The following VPS13A variants were observed in gnomAD, a reference collection of about 807,000 sequenced individuals.
VPS13A encodes vacuolar protein sorting 13 homolog A.
A neutral mutation model predicts 390.9 loss-of-function variants in VPS13A; 264 were observed. The observed-to-expected ratio is 0.68, with a 90% CI of 0.61 to 0.75. VPS13A has a LOEUF of 0.75. VPS13A is among the 30% of genes least tolerant of loss of function. VPS13A has a pLI of 0.00. For synonymous variants in VPS13A, 1,231 were observed against 1,227.1 expected (o/e 1.00, Z -0.07); for missense variants, 3,409 against 3,733.9 (o/e 0.91, Z 2.27).
chr9:77,226,523 A>C lies in VPS13A; in HGVS notation c.1282A>C (p.Lys428Gln). Residue 428 changes from lysine (K) to glutamine (Q), a missense_variant, in exon 15 of 72, where the codon AAA (lysine) becomes CAA (glutamine). Lys to Gln is a moderately conservative substitution (Grantham distance 53). Around this residue, in one of 5 missense-constraint regions of VPS13A, gnomAD observed 2,717 missense variants for 2,917.4 expected, o/e 0.93. Transcript: ENST00000360280. ...KEGVKDPEDN[K>Q]GWFSWLWSWS... The stretch of plus-strand genomic sequence containing the variant: ...AGGAGTAAAAGATCCAGAGGATAAT[A>C]AAGGGTGGTTTAGCTGGCTATGGTC... The C allele has an allele frequency of 3.7e-6, 6 of 1,613,096 alleles. No homozygotes were observed. The highest frequency in any genetic ancestry group is 5.1e-6 in the Non-Finnish European group (6 of 1,179,350).
intron 3 of VPS13A, among the ~76,000 whole-genome samples, chr9:77,202,101 A>G (rs1004346239): frequency 1.3e-5 from 2 of 152,114 alleles, no homozygotes; most frequent in African/African-American, 4.8e-5. Flanking sequence ...TTGAAGCTAT[A>G]CTGTTGTCAC....
intron 23 of VPS13A, among the ~76,000 whole-genome samples, chr9:77,260,433 G>A (rs1255851516): frequency 7.1e-6 from 1 of 140,696 alleles, no homozygotes; most frequent in Non-Finnish European, 1.5e-5. Flanking sequence ...TCTGCTCACT[G>A]CAAGCTCCGC....
rs1829841016 is a variant in VPS13A at position 77,323,230 on chromosome 9, A to G, written c.5991+3A>G. The G allele has an allele frequency of 5.0e-6, 8 of 1,612,934 alleles. No homozygotes were observed. Among genetic ancestry groups the G allele is most frequent in the Non-Finnish European group, 6.8e-6 (8 of 1,179,170 alleles). On this transcript the variant is annotated splice_donor_region_variant and intron_variant, in intron 45 of 71. Coordinates refer to ENST00000360280, the MANE Select transcript of VPS13A (RefSeq NM_033305.3). ...TCACAATTCGCTCCCCAGTGCAGGTATGAAATGATCAATTTTGGGGGATGT... is the reference window on the plus strand; with the variant it reads ...TCACAATTCGCTCCCCAGTGCAGGTGTGAAATGATCAATTTTGGGGGATGT...
At chr9:77,307,173 G>A (rs1021741810) in intron 34 of VPS13A, among the ~76,000 whole-genome samples, 27 of 152,166 alleles carry the variant, frequency 1.8e-4, no homozygotes, top group Non-Finnish European at 2.9e-4. Flanking sequence ...CCAGAGTGCT[G>A]GGCTTACAGG....
chr9:77,358,223 T>C (rs1348025728), intron 56 of VPS13A, 134 bp from the exon 57 acceptor site: 10 of 765,858 alleles, frequency 1.3e-5, no homozygotes, highest in Admixed American at 8.9e-5. Context: ...CCCAAAGTGC[T>C]GGGATTACAG....
At chr9:77,267,771 G>A (rs540031983) in intron 23 of VPS13A, among the ~76,000 whole-genome samples, 4 of 152,252 alleles carry the variant, frequency 2.6e-5, no homozygotes, top group East Asian at 3.9e-4. Context: ...ACCCACAGCC[G>A]CCCCTTCCCC....
intron 1 of VPS13A, among the ~76,000 whole-genome samples, chr9:77,192,965 T>G (rs939088858): frequency 7.2e-5 from 11 of 152,168 alleles, no homozygotes; most frequent in Admixed American, 3.9e-4. Flanking sequence ...CTCCCTCTCT[T>G]TCAGGGACAA....
In VPS13A at chr9:77,351,340, C is replaced by A; in HGVS notation, c.7313C>A (p.Ser2438Tyr). ...NQSSLSEIED[S>Y]LPPGKAVFYT... ...AGTTCTCTCAGTGAAATAGAAGATT[C>A]CCTCCCTCCTGGTAAAGCCGTGTTT... Residue 2438 changes from serine to tyrosine, a missense_variant, in exon 53 of 72, where the codon TCC (serine) becomes TAC (tyrosine). Transcript: ENST00000360280. 6.2e-7 allele frequency: 1 copy of A among 1,613,594 alleles called. No individual in the cohort carries two copies. The highest frequency in any genetic ancestry group is 1.1e-5 in the South Asian group (1 of 91,068).
intron 71 of VPS13A, among the ~76,000 whole-genome samples, chr9:77,408,628 C>T (rs1325356436): frequency 2.0e-5 from 3 of 152,234 alleles, no homozygotes; most frequent in Admixed American, 2.0e-4. Flanking sequence ...TAGCAACCGG[C>T]ACACCAGGAG....
intron 22 of VPS13A, among the ~76,000 whole-genome samples, chr9:77,253,392 A>G (rs1014818423): frequency 6.6e-6 from 1 of 151,712 alleles, no homozygotes; most frequent in Admixed American, 6.6e-5. Flanking sequence ...TGCTACCTCC[A>G]CCTCCTGGGT....
chr9:77,315,599 A>C, intron 38 of VPS13A, 129 bp downstream of exon 38: 1 of 946,470 alleles, frequency 1.1e-6, no homozygotes, highest in Non-Finnish European at 1.6e-6. Context: ...TTCAGAGTAG[A>C]AGGAAAACCT....
chr9:77,357,936 T>C, intron 56 of VPS13A, 98 bp downstream of exon 56: 1 of 1,031,850 alleles, frequency 9.7e-7, no homozygotes, highest in Admixed American at 2.3e-5. Context: ...GTATTCAGTT[T>C]CAATGTTGTG....
chr9:77,208,305 CT>C (rs889923863), intron 5 of VPS13A, among the ~76,000 whole-genome samples: 1 of 152,022 alleles, frequency 6.6e-6, no homozygotes, highest in African/African-American at 2.4e-5. Context: ...GTATCTTCAG[CT>C]TTCCTTTATC....
chr9:77,251,014 C>A (rs760783321), intron 21 of VPS13A, among the ~76,000 whole-genome samples: 29 of 152,142 alleles, frequency 1.9e-4, no homozygotes, highest in Non-Finnish European at 3.5e-4. Flanking sequence ...ATTTTAATTA[C>A]CTGAGCTAAC....
At chr9:77,247,782 T>C (rs546687568) in intron 20 of VPS13A, among the ~76,000 whole-genome samples, 1 of 152,262 alleles carries the variant, frequency 6.6e-6, no homozygotes, top group African/African-American at 2.4e-5. Context: ...GGCCTCAGCC[T>C]CCTGAGTATC....
At position 77,241,114 on chromosome 9, in the gene VPS13A, C is replaced by G. The variant is rs1185385929; in HGVS notation, c.1900+2728C>G. ...TCTGGAAAATTCTTAGCCACTAACTCTTTACATATATTCTCTTCTGGAATT... is the reference window on the plus strand; with the variant it reads ...TCTGGAAAATTCTTAGCCACTAACTGTTTACATATATTCTCTTCTGGAATT... On this transcript the variant is annotated intron_variant, in intron 19 of 71. Coordinates refer to ENST00000360280, the MANE Select transcript of VPS13A (RefSeq NM_033305.3). Among the ~76,000 whole-genome samples, 4 of 152,058 alleles carry G rather than the reference C, an allele frequency of 2.6e-5. No individual in the cohort carries two copies. In the East Asian group the frequency reaches 7.7e-4, roughly 29 times the overall value.
chr9:77,199,250 C>T (rs1436468212), intron 1 of VPS13A, among the ~76,000 whole-genome samples: 1 of 152,076 alleles, frequency 6.6e-6, no homozygotes, highest in Non-Finnish European at 1.5e-5. Context: ...GTTGCCCAGG[C>T]TGGACTTCTA....
intron 71 of VPS13A, among the ~76,000 whole-genome samples, chr9:77,409,975 C>T (rs925175406): frequency 6.6e-6 from 1 of 151,606 alleles, no homozygotes; most frequent in Non-Finnish European, 1.5e-5. Context: ...AGAAGAGCAA[C>T]TCCAAGACAC....
At chr9:77,344,337 T>A (rs1355594180) in intron 51 of VPS13A, 56 bp downstream of exon 51, 12 of 1,532,496 alleles carry the variant, frequency 7.8e-6, no homozygotes, top group Non-Finnish European at 9.8e-6. Context: ...ATATACTGAC[T>A]AGTATTGTAT....
Sources: allele counts gnomAD v4.1 joint callset (sites outside exome capture counted in the v4.1 genomes callset), GRCh38; gene constraint gnomAD v4.1.1; regional missense constraint gnomAD v4.1.1; transcripts MANE v1.5; gene names NCBI Gene and HGNC (gene_info 2026-07-23, HGNC 2026-07-21).